Variants in AKNA observed in about 807,000 individuals in gnomAD.
AKNA encodes the protein microtubule organization protein AKNA.
AKNA carries 67 observed loss-of-function variants against 138.8 expected under a neutral mutation model. That is an observed-to-expected ratio of 0.48 (90% CI 0.40 to 0.59). The LOEUF (loss-of-function observed/expected upper bound fraction) is 0.59, where lower values mean the gene tolerates loss of function less well. AKNA is among the 20% of genes least tolerant of loss of function. The probability of loss-of-function intolerance (pLI) is 0.00; values close to 1 mark genes in which losing one functional copy is unlikely to be tolerated. For synonymous variants in AKNA, 737 were observed against 754.4 expected (o/e 0.98, Z 0.38); for missense variants, 1,813 against 1,880.4 (o/e 0.96, Z 0.66).
At position 114,356,133 on chromosome 9, in the gene AKNA, T is replaced by C. The variant is rs199798454; in HGVS notation, c.2850A>G (p.Thr950=). The C allele has an allele frequency of 2.5e-6, 4 of 1,612,384 alleles. No individual in the cohort carries two copies. In the East Asian group the frequency reaches 8.9e-5, roughly 36 times the overall value. Residue 950 remains threonine (T), a synonymous_variant, in exon 14 of 22, where the codon ACA becomes ACG. Coordinates refer to ENST00000374088, the MANE Select transcript of AKNA (RefSeq NM_001317950.2). ...TPEHRLSHIS[T]AGTLAQPFAA... Reference sequence around the variant, plus strand: ...CAAAGGGCTGGGCTAATGTTCCTGCTGTGCTGGGGGACCGTGGAGGAAGGG... The same window carrying C: ...CAAAGGGCTGGGCTAATGTTCCTGCCGTGCTGGGGGACCGTGGAGGAAGGG...
rs1472471957 is a variant in AKNA at position 114,361,891 on chromosome 9, T to A, written c.1937A>T (p.Tyr646Phe). The change falls in exon 9 of 22, where the codon TAC (tyrosine) becomes TTC (phenylalanine). Residue 646 changes from tyrosine (Y) to phenylalanine (F), a missense_variant. Transcript: ENST00000374088. ...DPRRELEAEI[Y>F]RLGSCLEELK... ...CTCTTCCAGGCAGCTTCCCAGACGGTATATCTCTGCCTCCAGCTCCCTGGA... is the reference window on the plus strand; with the variant it reads ...CTCTTCCAGGCAGCTTCCCAGACGGAATATCTCTGCCTCCAGCTCCCTGGA... 6.2e-7 allele frequency: 1 copy of A among 1,603,830 alleles called. No homozygotes were observed. Among genetic ancestry groups the A allele is most frequent in the South Asian group, 1.1e-5 (1 of 91,076 alleles).
In AKNA at chr9:114,337,013, G is replaced by GGGGGGGGGGGGCGC; in HGVS notation, c.*40_*41insGCGCCCCCCCCCCC. ...CCACTCCTGGCCTGGCAGGCCACCT[G>GGGGGGGGGGGGCGC]CCCACCCACCCACCCATCTGCCTCT... On this transcript the variant is annotated 3_prime_UTR_variant, in exon 22 of 22. Coordinates refer to ENST00000374088, the MANE Select transcript of AKNA (RefSeq NM_001317950.2). 1 of 1,185,370 alleles carries GGGGGGGGGGGGCGC rather than the reference G, an allele frequency of 8.4e-7. No individual in the cohort carries two copies. Among genetic ancestry groups the GGGGGGGGGGGGCGC allele is most frequent in the Non-Finnish European group, 1.1e-6 (1 of 921,704 alleles). The allele number at this position is 1,185,370 out of a possible 1,614,324, so 73.4% of individuals were successfully genotyped here.
downstream of AKNA, chr9:114,330,708 T>C (rs1588925251): frequency 6.3e-7 from 1 of 1,598,718 alleles, no homozygotes; most frequent in Non-Finnish European, 8.6e-7. Context: ...TCCACCAGAC[T>C]CTTGCCCCGG....
chr9:114,375,260 A>C (rs1833085547), intron 3 of AKNA, among the ~76,000 whole-genome samples: 1 of 152,248 alleles, frequency 6.6e-6, no homozygotes, highest in Non-Finnish European at 1.5e-5. Context: ...CAGACTGCGG[A>C]CGACTCTGCA....
In AKNA at chr9:114,359,728, C is replaced by G. The variant is rs141545891; in HGVS notation, c.2358G>C (p.Glu786Asp). ...RMEEEEEGEE[E>D]EEEEGGGDSL... ...AGTCACCTCCCCCCTCTTCCTCCTCCTCCTCCTCTCCTTCTTCCTCCTCCT... is the reference window on the plus strand; with the variant it reads ...AGTCACCTCCCCCCTCTTCCTCCTCGTCCTCCTCTCCTTCTTCCTCCTCCT... The change falls in exon 11 of 22, where the codon GAG becomes GAC. Residue 786 changes from glutamate to aspartate, a missense_variant. Transcript: ENST00000374088. 2.5e-6 allele frequency: 4 copies of G among 1,607,068 alleles called. No homozygotes were observed. The highest frequency in any genetic ancestry group is 3.4e-6 in the Non-Finnish European group (4 of 1,176,356).
intron 1 of AKNA, among the ~76,000 whole-genome samples, chr9:114,387,290 C>T (rs1834105124): frequency 6.6e-6 from 1 of 152,214 alleles, no homozygotes; most frequent in Admixed American, 6.5e-5. Flanking sequence ...TGTGTCCTCC[C>T]TGCCCCCAGC....
At chr9:114,355,459 G>A (rs1028506374) in intron 14 of AKNA, among the ~76,000 whole-genome samples, 4 of 152,184 alleles carry the variant, frequency 2.6e-5, no homozygotes, top group South Asian at 2.1e-4. Context: ...TTACAGGCAC[G>A]AGCCGCTGCA....
rs1045325781 is a variant in AKNA at position 114,341,530 on chromosome 9, T to C, written c.4067+3A>G. ...CTGGGAAGGTCAGAATGAAGGCTCT[T>C]ACACAGCGGCAGGTGGATAAGGCAT... On this transcript the variant is annotated splice_donor_region_variant and intron_variant, in intron 21 of 21. Transcript: ENST00000374088. 1.9e-6 allele frequency: 3 copies of C among 1,613,978 alleles called. No individual in the cohort carries two copies. The highest frequency in any genetic ancestry group is 2.5e-6 in the Non-Finnish European group (3 of 1,179,990).
In AKNA at chr9:114,368,523, C is replaced by G. The variant is rs767330939; in HGVS notation, c.1489G>C (p.Val497Leu). The change falls in exon 5 of 22, where the codon GTC (valine) becomes CTC (leucine). Residue 497 changes from valine (V) to leucine (L), a missense_variant. Physicochemically the swap from Val to Leu is conservative, Grantham distance 32 (BLOSUM62 1). Transcript: ENST00000374088. The part of the protein sequence containing the change: ...HTGMVPQGTK[V>L]LSFTIPQPRS... Reference sequence around the variant, plus strand: ...GGCTGTGGGATGGTGAAGGACAAGACCTTGGTCCCCTGGGGCACCATTCCC... The same window carrying G: ...GGCTGTGGGATGGTGAAGGACAAGAGCTTGGTCCCCTGGGGCACCATTCCC... 3.6e-6 allele frequency: 5 copies of G among 1,378,760 alleles called. No individual in the cohort carries two copies. Among genetic ancestry groups the G allele is most frequent in the Non-Finnish European group, 4.7e-6 (5 of 1,058,306 alleles). The allele number at this position is 1,378,760 out of a possible 1,614,324, so 85.4% of individuals were successfully genotyped here.
chr9:114,391,179 G>A (rs1362116336), upstream of AKNA, among the ~76,000 whole-genome samples: 1 of 152,204 alleles, frequency 6.6e-6, no homozygotes, highest in African/African-American at 2.4e-5. Context: ...GGTCACAAAG[G>A]TGATGAGCTG....
chr9:114,332,031 A>C, downstream of AKNA: 1 of 966,226 alleles, frequency 1.0e-6, no homozygotes, highest in Non-Finnish European at 1.6e-6. Context: ...CTGCACAGCT[A>C]GGCAGATCTT....
chr9:114,367,692 G>A lies in AKNA; in HGVS notation c.1579C>T (p.Pro527Ser). 6.4e-7 allele frequency: 1 copy of A among 1,568,110 alleles called. No homozygotes were observed. Among genetic ancestry groups the A allele is most frequent in the Non-Finnish European group, 8.7e-7 (1 of 1,150,262 alleles). Reference protein sequence around the residue: ...DPQASAASGWPSARGDLSPSS... With the variant: ...DPQASAASGWSSARGDLSPSS... Reference sequence around the variant, plus strand: ...GGGCTCAAGTCTCCTCGAGCTGATGGCCACCCTGGAATACACAACTGCTGA... The same window carrying A: ...GGGCTCAAGTCTCCTCGAGCTGATGACCACCCTGGAATACACAACTGCTGA... The change falls in exon 6 of 22, where the codon CCA becomes TCA. Residue 527 changes from proline (P) to serine (S), a missense_variant. Pro to Ser is a moderately conservative substitution (Grantham distance 74). Coordinates refer to ENST00000374088, the MANE Select transcript of AKNA (RefSeq NM_001317950.2).
intron 1 of AKNA, among the ~76,000 whole-genome samples, chr9:114,387,575 G>A (rs534497498): frequency 5.3e-5 from 8 of 152,278 alleles, no homozygotes; most frequent in South Asian, 2.1e-4. Context: ...TGCAGACGAC[G>A]ACACCCCAGG....
chr9:114,395,804 T>C (rs1564107511), upstream of AKNA, among the ~76,000 whole-genome samples: 1 of 150,334 alleles, frequency 6.7e-6, no homozygotes. Flanking sequence ...ATTTTGATGG[T>C]GTTAAATACC....
chr9:114,368,135 G>A, intron 5 of AKNA: 2 of 329,250 alleles, frequency 6.1e-6, no homozygotes, highest in East Asian at 4.7e-5. Context: ...ATGTGTCAAG[G>A]CTTAGCACAG....
Position 114,334,309 on chromosome 9 carries a change from A to G in AKNA, c.*2745T>C, listed in dbSNP as rs1441937535. On this transcript the variant is annotated 3_prime_UTR_variant, in exon 22 of 22. Transcript: ENST00000374088. ...CCATCGGGGGAGGCACGTTGTGGGGACCAGGCTGGAGGCAGGAAGGCCTGA... is the reference window on the plus strand; with the variant it reads ...CCATCGGGGGAGGCACGTTGTGGGGGCCAGGCTGGAGGCAGGAAGGCCTGA... The G allele has an allele frequency of 7.7e-6, 1 of 130,016 alleles. No homozygotes were observed. Among genetic ancestry groups the G allele is most frequent in the Non-Finnish European group, 1.5e-5 (1 of 65,614 alleles). 8.1% of individuals were successfully genotyped at this position (130,016 alleles called of 1,614,324 possible).
At position 114,347,864 on chromosome 9, in the gene AKNA, C is replaced by T; in HGVS notation, c.3258G>A (p.Arg1086=). Residue 1086 remains arginine, a synonymous_variant, in exon 16 of 22, where the codon CGG becomes CGA. Coordinates refer to ENST00000374088, the MANE Select transcript of AKNA (RefSeq NM_001317950.2). Reference sequence around the variant, plus strand: ...GGCTGTCTTCCAGCCGCAGACGAAGCCGGGACACCTCTTCTTGCAGCTCAC... The same window carrying T: ...GGCTGTCTTCCAGCCGCAGACGAAGTCGGGACACCTCTTCTTGCAGCTCAC... ...AICELQEEVS[R]LRLRLEDSLH... is the part of the protein sequence containing the mutation. The T allele has an allele frequency of 6.4e-7, 1 of 1,550,968 alleles. No individual in the cohort carries two copies. The highest frequency in any genetic ancestry group is 2.5e-5 in the East Asian group (1 of 40,668).
Position 114,341,635 on chromosome 9 carries a change from G to T in AKNA, c.3965C>A (p.Pro1322His), listed in dbSNP as rs777341730. 4.3e-6 allele frequency: 7 copies of T among 1,611,590 alleles called. No individual in the cohort carries two copies. The highest frequency in any genetic ancestry group is 4.0e-5 in the African/African-American group (3 of 74,812). ...SKQAGSSPRP[P>H]PGLWYLATAP... The stretch of plus-strand genomic sequence containing the variant: ...TGTTGCCAGATACCACAGTCCGGGG[G>T]GTGGGCGTGGCGACGACCCCGCCTG... The change falls in exon 21 of 22, where the codon CCC (proline) becomes CAC (histidine). Residue 1322 changes from proline (P) to histidine (H), a missense_variant. Transcript: ENST00000374088.
chr9:114,366,109 T>G (rs1008092219), intron 6 of AKNA, among the ~76,000 whole-genome samples: 1 of 151,912 alleles, frequency 6.6e-6, no homozygotes, highest in African/African-American at 2.4e-5. Context: ...TGAAACCCCA[T>G]CTCTACTAAA....
Sources: gnomAD v4.1 joint callset for allele counts (sites outside exome capture counted in the v4.1 genomes callset) on GRCh38, gnomAD v4.1.1 for gene constraint, MANE v1.5 for transcripts, NCBI Gene and HGNC (gene_info 2026-07-23, HGNC 2026-07-21) for gene names.